Variants in RGL3 observed in about 807,000 individuals in gnomAD.
RGL3 encodes ral guanine nucleotide dissociation stimulator-like 3.
RGL3 carries 85 observed loss-of-function variants against 90.6 expected under a neutral mutation model. The observed-to-expected ratio is 0.94, with a 90% CI of 0.79 to 1.12. The LOEUF is 1.12. RGL3 is among the 50% of genes most tolerant of loss of function. RGL3 has a pLI of 0.00. For missense variants in RGL3, 1,034 were observed against 939.2 expected, an observed-to-expected ratio of 1.10 and a Z score of -1.32; for synonymous variants, 408 against 385.5, an observed-to-expected ratio of 1.06 and a Z score of -0.68.
At chr19:11,417,090 G>C in intron 2 of RGL3, 31 bp from the exon 3 acceptor site, 1 of 1,525,630 alleles carries the variant, frequency 6.6e-7, no homozygotes, top group Non-Finnish European at 8.9e-7. Context: ...CCATGAGAGA[G>C]CAGGAGTGGT....
intron 9 of RGL3, among the ~76,000 whole-genome samples, chr19:11,404,554 A>G (rs1484062334): frequency 2.6e-5 from 4 of 150,970 alleles, no homozygotes; most frequent in Non-Finnish European, 5.9e-5. Flanking sequence ...AAACAAAAAA[A>G]CAAATGATGA....
chr19:11,415,849 A>C (rs546910701), intron 5 of RGL3, 88 bp downstream of exon 5: 1 of 1,160,088 alleles, frequency 8.6e-7, no homozygotes, highest in East Asian at 2.5e-5. Flanking sequence ...TAAGTTTTGT[A>C]GCTCTGAGAG....
Position 11,404,409 on chromosome 19 carries a change from C to T in RGL3, c.1185+738G>A, listed in dbSNP as rs781174329. Among the ~76,000 whole-genome samples, 76 of 152,048 alleles carry T rather than the reference C, an allele frequency of 5.0e-4. 1 individual carries two copies. Among genetic ancestry groups the T allele is most frequent in the Non-Finnish European group, 3.8e-4 (26 of 68,012 alleles). Reference sequence around the variant, plus strand: ...AGCGTCGTGGTGGGTGCCTGTAATCCCAGCTACATGGGAGGCTGAGGCAGA... The same window carrying T: ...AGCGTCGTGGTGGGTGCCTGTAATCTCAGCTACATGGGAGGCTGAGGCAGA... On this transcript the variant is annotated intron_variant, in intron 9 of 18. Coordinates refer to ENST00000380456, the MANE Select transcript of RGL3 (RefSeq NM_001035223.4).
chr19:11,398,843 C>G (rs111842975), intron 16 of RGL3, among the ~76,000 whole-genome samples: 23,336 of 151,500 alleles, frequency 0.15, 2,917 homozygotes, highest in African/African-American at 0.35. Flanking sequence ...GCTAATTTTT[C>G]TATTTTCAGT....
intron 16 of RGL3, among the ~76,000 whole-genome samples, chr19:11,399,264 A>G (rs1166517691): frequency 1.3e-5 from 2 of 152,066 alleles, no homozygotes; most frequent in South Asian, 4.1e-4. Context: ...TTAGGGACAT[A>G]CATGTCCTCA....
At chr19:11,416,206 C>T (rs934426104) in intron 4 of RGL3, 58 bp from the exon 5 acceptor site, 2 of 996,950 alleles carry the variant, frequency 2.0e-6, no homozygotes, top group Non-Finnish European at 2.8e-6. Context: ...TAGAATATGA[C>T]TCCTGGTACC....
rs1206086370 is a variant in RGL3, at chr19:11,394,064, A to C, written c.*338T>G. On this transcript the variant is annotated 3_prime_UTR_variant, in exon 19 of 19. Coordinates refer to ENST00000380456, the MANE Select transcript of RGL3 (RefSeq NM_001035223.4). ...AATAAACAAGACTGACACCTGTTTC[A>C]TAACTCTGGTCACTATTTTCATCCG... The C allele has an allele frequency of 8.2e-6, 2 of 242,962 alleles. No homozygotes were observed. The highest frequency in any genetic ancestry group is 5.0e-5 in the Admixed American group (1 of 19,978). 15.1% of individuals were successfully genotyped at this position (242,962 alleles called of 1,614,324 possible). A position where few individuals can be genotyped will look rare whatever the true frequency, so the allele number is the denominator to read the frequency against.
chr19:11,399,188 C>A (rs1206502232), intron 16 of RGL3, among the ~76,000 whole-genome samples: 1 of 152,170 alleles, frequency 6.6e-6, no homozygotes, highest in Non-Finnish European at 1.5e-5. Context: ...AATCCTCCCA[C>A]TTTGGCTTCC....
At chr19:11,403,300 G>A (rs1568337362) in intron 9 of RGL3, among the ~76,000 whole-genome samples, 1 of 149,300 alleles carries the variant, frequency 6.7e-6, no homozygotes, top group Non-Finnish European at 1.5e-5. Flanking sequence ...CTCCCAAAGT[G>A]CTGGGATTAC....
chr19:11,405,163 C>A lies in RGL3; in HGVS notation c.1169G>T (p.Arg390Ile). 6.2e-7 allele frequency: 1 copy of A among 1,614,066 alleles called. No individual in the cohort carries two copies. The highest frequency in any genetic ancestry group is 8.5e-7 in the Non-Finnish European group (1 of 1,179,932). ...FSDENNHLSS[R>I]EILFQEEATE... is the part of the protein sequence containing the mutation. ...CATCTCTACCTGGAAAAGAATCTCT[C>A]TGCTGCTGAGGTGGTTGTTCTCATC... is the stretch of plus-strand genomic sequence containing the variant. Residue 390 changes from arginine (R) to isoleucine (I), a missense_variant, in exon 9 of 19, where the codon AGA (arginine) becomes ATA (isoleucine). Physicochemically the swap from Arg to Ile is moderately conservative, Grantham distance 97. Coordinates refer to ENST00000380456, the MANE Select transcript of RGL3 (RefSeq NM_001035223.4).
chr19:11,403,640 CAAAAAAAAAA>C (rs889376839), intron 9 of RGL3, among the ~76,000 whole-genome samples: 1 of 49,412 alleles, frequency 2.0e-5, no homozygotes, highest in South Asian at 9.0e-4. Context: ...AACTCCATCT[CAAAAAAAAAA>C]AAAAAAAAAA....
Position 11,402,108 on chromosome 19 carries a change from G to A in RGL3, c.1387C>T (p.Gln463Ter), listed in dbSNP as rs1247812087. The change falls in exon 13 of 19, where the codon CAG becomes TAG. Residue 463 changes from glutamine to a stop codon, truncating the protein, a stop_gained. Coordinates refer to ENST00000380456, the MANE Select transcript of RGL3 (RefSeq NM_001035223.4). LOFTEE classifies it high-confidence loss of function. ...CTCTGACAGCGCCTCTGCAGCTGCT[G>A]GATGCGGGCCAGGATCTCCCACTCC... is the stretch of plus-strand genomic sequence containing the variant. ...RKEWEILARIQQLQRRCQSYT... is the reference protein window; with the variant it reads ...RKEWEILARI 3.7e-6 allele frequency: 6 copies of A among 1,603,382 alleles called. No individual in the cohort carries two copies. The highest frequency in any genetic ancestry group is 1.1e-5 in the South Asian group (1 of 89,322).
intron 7 of RGL3, 125 bp downstream of exon 7, chr19:11,406,294 G>C (rs1342900189): frequency 2.1e-6 from 2 of 945,794 alleles, no homozygotes; most frequent in African/African-American, 1.6e-5. Flanking sequence ...TCTCACCCTA[G>C]GTATCAACTT....
chr19:11,416,601 A>C lies in RGL3; in HGVS notation c.425+13T>G. On this transcript the variant is annotated intron_variant, in intron 4 of 18. Coordinates refer to ENST00000380456, the MANE Select transcript of RGL3 (RefSeq NM_001035223.4). Reference sequence around the variant, plus strand: ...TCCCTCCCCGCACTCCCCTATCTGGATGAAGGACCCACCTCAGGTTCTTGT... The same window carrying C: ...TCCCTCCCCGCACTCCCCTATCTGGCTGAAGGACCCACCTCAGGTTCTTGT... 2.5e-6 allele frequency: 4 copies of C among 1,613,470 alleles called. No homozygotes were observed. The highest frequency in any genetic ancestry group is 1.1e-5 in the South Asian group (1 of 91,052).
At chr19:11,396,798 G>T (rs1309942269) in intron 18 of RGL3, among the ~76,000 whole-genome samples, 2 of 151,386 alleles carry the variant, frequency 1.3e-5, no homozygotes, top group Non-Finnish European at 2.9e-5. Context: ...CTCCTGAGTA[G>T]CTGGGACTAC....
chr19:11,417,088 GAGC>G, intron 2 of RGL3, 29 bp from the exon 3 acceptor site: 2 of 1,532,762 alleles, frequency 1.3e-6, no homozygotes, highest in Non-Finnish European at 1.8e-6. Context: ...GGCCATGAGA[GAGC>G]AGGAGTGGTC....
intron 9 of RGL3, among the ~76,000 whole-genome samples, chr19:11,403,640 CAAA>C (rs889376839): frequency 8.1e-5 from 4 of 49,414 alleles, no homozygotes; most frequent in African/African-American, 1.4e-4. Context: ...AACTCCATCT[CAAA>C]AAAAAAAAAA....
chr19:11,403,836 C>A (rs916901844), intron 9 of RGL3, among the ~76,000 whole-genome samples: 1 of 151,886 alleles, frequency 6.6e-6, no homozygotes, highest in Non-Finnish European at 1.5e-5. Flanking sequence ...CACAGGCCTG[C>A]CAGGGATCTC....
At chr19:11,418,603 C>T (rs1008766123) in intron 2 of RGL3, 68 bp downstream of exon 2, 9 of 1,287,918 alleles carry the variant, frequency 7.0e-6, no homozygotes, top group African/African-American at 1.5e-5. Flanking sequence ...GGCCTGTGCT[C>T]GGCTCTCCAG....
Sources: allele counts gnomAD v4.1 joint callset (sites outside exome capture counted in the v4.1 genomes callset), GRCh38; gene constraint gnomAD v4.1.1; transcripts MANE v1.5; gene names NCBI Gene and HGNC (gene_info 2026-07-23, HGNC 2026-07-21).